DCAF12: variants seen among roughly 807,000 people sequenced by gnomAD.
DCAF12 encodes the protein DDB1 and CUL4 associated factor 12, also known as DDB1- and CUL4-associated factor 12.
DCAF12 carries 28 observed loss-of-function variants against 52.8 expected under a neutral mutation model. The ratio of observed to expected loss-of-function variants is 0.53; its 90% CI spans 0.39 to 0.73. The LOEUF (loss-of-function observed/expected upper bound fraction) is 0.73. Ranked by LOEUF, DCAF12 falls within the 30% of genes least tolerant of loss-of-function variation. DCAF12 has a pLI of 0.00. For missense variants in DCAF12, 425 were observed against 552.2 expected, an observed-to-expected ratio of 0.77 and a Z score of 2.31; for synonymous variants, 196 against 215.5, an observed-to-expected ratio of 0.91 and a Z score of 0.79.
chr9:34,119,043 G>A (rs1829132314), intron 2 of DCAF12, among the ~76,000 whole-genome samples: 1 of 152,046 alleles, frequency 6.6e-6, no homozygotes, highest in Admixed American at 6.6e-5. Flanking sequence ...TAAGACTTGA[G>A]GACCAGGACC....
At position 34,098,402 on chromosome 9, in the gene DCAF12, G is replaced by A; in HGVS notation, c.717C>T (p.Ala239=). ...VPVYAHITHK[A]LKDIPKEDTN... ...TGTCTTCTTTGGGGATGTCCTTTAA[G>A]GCCTTGTGAGTGATGTGTGCATACA... Residue 239 remains alanine (A), a synonymous_variant, in exon 5 of 9, where the codon GCC becomes GCT. Transcript: ENST00000361264. 6.2e-7 allele frequency: 1 copy of A among 1,614,250 alleles called. No homozygotes were observed. The highest frequency in any genetic ancestry group is 8.5e-7 in the Non-Finnish European group (1 of 1,180,036).
intron 2 of DCAF12, among the ~76,000 whole-genome samples, chr9:34,121,633 AC>A: frequency 6.6e-6 from 1 of 151,112 alleles, no homozygotes; most frequent in Non-Finnish European, 1.5e-5. Context: ...ATCACACCCC[AC>A]CCCCAGCCCC....
At chr9:34,091,982 T>C (rs1828652434) in intron 7 of DCAF12, among the ~76,000 whole-genome samples, 1 of 152,180 alleles carries the variant, frequency 6.6e-6, no homozygotes, top group Admixed American at 6.6e-5. Context: ...GTTCTTGGTA[T>C]GATGAAATGG....
intron 1 of DCAF12, chr9:34,125,627 C>G (rs1469173735): frequency 2.1e-6 from 1 of 476,046 alleles, no homozygotes; most frequent in East Asian, 6.8e-5. Context: ...CATCTCTACC[C>G]AGCCCCCTTC....
At chr9:34,114,777 G>A (rs547898715) in intron 2 of DCAF12, among the ~76,000 whole-genome samples, 2 of 152,170 alleles carry the variant, frequency 1.3e-5, no homozygotes, top group South Asian at 2.1e-4. Flanking sequence ...CTAGACAAAT[G>A]TAAATGAGTG....
chr9:34,102,804 A>G (rs1828849729), intron 4 of DCAF12, among the ~76,000 whole-genome samples: 1 of 151,612 alleles, frequency 6.6e-6, no homozygotes, highest in South Asian at 2.1e-4. Context: ...GGCTGGGCGC[A>G]GTGGCTCACG....
chr9:34,107,022 A>G (rs1233606961), intron 3 of DCAF12, among the ~76,000 whole-genome samples: 7 of 152,170 alleles, frequency 4.6e-5, no homozygotes, highest in Admixed American at 4.6e-4. Flanking sequence ...GTAGGCTTCA[A>G]GAGGACAGGG....
chr9:34,100,187 C>G (rs1218422475), intron 4 of DCAF12, among the ~76,000 whole-genome samples: 1 of 149,878 alleles, frequency 6.7e-6, no homozygotes, highest in Non-Finnish European at 1.5e-5. Flanking sequence ...GGTATGCACC[C>G]CCATGACTGG....
At position 34,092,909 on chromosome 9, in the gene DCAF12, G is replaced by A. The variant is rs370834439; in HGVS notation, c.1024+377C>T. ...TGCCCAGGCTGGAGTGCAATGGTGC[G>A]ATCTCAGCTCACCGCAACCTCCGCC... On this transcript the variant is annotated intron_variant, in intron 7 of 8. Coordinates refer to ENST00000361264, the MANE Select transcript of DCAF12 (RefSeq NM_015397.4). 7.2e-5 allele frequency among the ~76,000 whole-genome samples: 11 copies of A among 151,918 alleles called. No individual in the cohort carries two copies. In the South Asian group the frequency reaches 1.0e-3, roughly 14 times the overall value.
In DCAF12 at chr9:34,095,431, A is replaced by G. The variant is rs1828721471; in HGVS notation, c.861+1285T>C. Reference sequence around the variant, plus strand: ...GGTCTCGCTCTGTCACCCAGGCTGGAGTGCAGTGGCAAAATTACGGCTCAC... The same window carrying G: ...GGTCTCGCTCTGTCACCCAGGCTGGGGTGCAGTGGCAAAATTACGGCTCAC... On this transcript the variant is annotated intron_variant, in intron 6 of 8. Coordinates refer to ENST00000361264, the MANE Select transcript of DCAF12 (RefSeq NM_015397.4). Among the ~76,000 whole-genome samples, 3 of 123,674 alleles carry G rather than the reference A, an allele frequency of 2.4e-5. No homozygotes were observed. In the South Asian group the frequency reaches 8.3e-4, roughly 34 times the overall value. 81.1% of individuals were successfully genotyped at this position (123,674 alleles called of 152,430 possible).
chr9:34,102,543 C>T (rs1828845338), intron 4 of DCAF12, among the ~76,000 whole-genome samples: 1 of 151,928 alleles, frequency 6.6e-6, no homozygotes, highest in African/African-American at 2.4e-5. Context: ...ATCCCAGATA[C>T]TTAGGAGGCT....
chr9:34,093,518 T>C, intron 6 of DCAF12, 70 bp from the exon 7 acceptor site: 2 of 1,545,998 alleles, frequency 1.3e-6, no homozygotes, highest in Non-Finnish European at 1.8e-6. Flanking sequence ...GTTTCTGGAC[T>C]CCCACCTTGA....
Position 34,089,732 on chromosome 9 carries a change from T to C in DCAF12, c.1025-142A>G, listed in dbSNP as rs1734283963. On this transcript the variant is annotated intron_variant, in intron 7 of 8. Transcript: ENST00000361264. ...CCCCACAAAGTATCAGACAGTGTTT[T>C]CCCAATGGCAAGTTAGCTCATGCAA... 3 of 721,452 alleles carry C rather than the reference T, an allele frequency of 4.2e-6. No individual in the cohort carries two copies. In the South Asian group the frequency reaches 7.7e-5, roughly 19 times the overall value. 44.7% of individuals were successfully genotyped at this position (721,452 alleles called of 1,614,324 possible). A position where few individuals can be genotyped will look rare whatever the true frequency, so the allele number is the denominator to read the frequency against.
chr9:34,126,269 C>G (rs1829248771), intron 1 of DCAF12, 85 bp downstream of exon 1: 2 of 1,528,190 alleles, frequency 1.3e-6, no homozygotes, highest in Middle Eastern at 1.7e-4. Context: ...CCCTGGACCC[C>G]GATTCCCGTC....
At chr9:34,093,621 G>T in intron 6 of DCAF12, 173 bp from the exon 7 acceptor site, 1 of 644,104 alleles carries the variant, frequency 1.6e-6, no homozygotes. Flanking sequence ...AGAAAGAGGA[G>T]GTGAATGTTA....
At chr9:34,091,644 A>C (rs1232523231) in intron 7 of DCAF12, among the ~76,000 whole-genome samples, 2 of 150,834 alleles carry the variant, frequency 1.3e-5, no homozygotes, top group East Asian at 3.9e-4. Context: ...GTCTTCAAAA[A>C]AAAAAAAAAA....
chr9:34,097,939 GAA>G (rs74326483), intron 5 of DCAF12, among the ~76,000 whole-genome samples: 3 of 98,062 alleles, frequency 3.1e-5, no homozygotes, highest in Non-Finnish European at 2.2e-5. Context: ...GTCTCAAAAA[GAA>G]AAAAAAAAAA....
intron 1 of DCAF12, among the ~76,000 whole-genome samples, chr9:34,126,150 T>C (rs1173955172): frequency 1.3e-5 from 2 of 152,132 alleles, no homozygotes; most frequent in Non-Finnish European, 2.9e-5. Flanking sequence ...CATTCCTGAG[T>C]TCCCCTTTGG....
intron 2 of DCAF12, among the ~76,000 whole-genome samples, chr9:34,119,548 T>C (rs1406169453): frequency 6.6e-6 from 1 of 152,198 alleles, no homozygotes; most frequent in Admixed American, 6.5e-5. Flanking sequence ...TTTACTTAAG[T>C]ATTCGATTGT....
Sources: allele counts gnomAD v4.1 joint callset (sites outside exome capture counted in the v4.1 genomes callset), GRCh38; gene constraint gnomAD v4.1.1; transcripts MANE v1.5; gene names NCBI Gene and HGNC (gene_info 2026-07-23, HGNC 2026-07-21).